The following ARL15 variants were observed in gnomAD, a reference collection of about 807,000 sequenced individuals.
The protein encoded by ARL15 is ARF like GTPase 15, also known as ADP-ribosylation factor-like protein 15.
ARL15 carries 19 observed loss-of-function variants against 25.2 expected under a neutral mutation model. The observed-to-expected ratio is 0.75, with a 90% CI of 0.53 to 1.10. ARL15 has a LOEUF of 1.10. Ranked by LOEUF, ARL15 falls within the 50% of genes least tolerant of loss-of-function variation. The pLI is 0.00. For synonymous variants in ARL15, 94 were observed against 86.8 expected (o/e 1.08, Z -0.46); for missense variants, 220 against 246.0 (o/e 0.89, Z 0.71).
intron 3 of ARL15, among the ~76,000 whole-genome samples, chr5:54,143,448 T>A (rs1753823093): frequency 1.3e-5 from 2 of 152,024 alleles, no homozygotes; most frequent in African/African-American, 4.8e-5. Flanking sequence ...TTCCTATATA[T>A]ATTTTTACCT....
chr5:53,902,536 G>A (rs1427301652), intron 4 of ARL15, among the ~76,000 whole-genome samples: 1 of 152,176 alleles, frequency 6.6e-6, no homozygotes, highest in African/African-American at 2.4e-5. Flanking sequence ...AACAACAGCA[G>A]TAGTAACAAA....
chr5:54,279,767 G>C (rs548956256), intron 1 of ARL15, among the ~76,000 whole-genome samples: 27 of 152,212 alleles, frequency 1.8e-4, no homozygotes, highest in African/African-American at 6.5e-4. Flanking sequence ...CTCAGTGCTA[G>C]GTATTCAAAG....
At chr5:54,082,164 T>C (rs1345026303) in intron 4 of ARL15, among the ~76,000 whole-genome samples, 2 of 151,806 alleles carry the variant, frequency 1.3e-5, no homozygotes, top group Non-Finnish European at 2.9e-5. Context: ...CTGGGGCTTC[T>C]CATGATGAGA....
intron 3 of ARL15, among the ~76,000 whole-genome samples, chr5:54,147,541 A>G (rs912442521): frequency 6.6e-6 from 1 of 152,172 alleles, no homozygotes; most frequent in Middle Eastern, 3.2e-3. Flanking sequence ...TAAATACAGA[A>G]TATGTACATT....
intron 4 of ARL15, among the ~76,000 whole-genome samples, chr5:54,100,981 A>T (rs1320804989): frequency 6.6e-6 from 1 of 152,038 alleles, no homozygotes; most frequent in African/African-American, 2.4e-5. Context: ...GAAGATTTAA[A>T]AATTATGTAA....
At chr5:54,068,057 T>G (rs2112057433) in intron 4 of ARL15, among the ~76,000 whole-genome samples, 1 of 152,324 alleles carries the variant, frequency 6.6e-6, no homozygotes, top group East Asian at 1.9e-4. Context: ...TCTGATTTAA[T>G]CTTCAATAAA....
intron 4 of ARL15, among the ~76,000 whole-genome samples, chr5:54,055,945 A>G (rs1424851879): frequency 2.0e-5 from 3 of 152,152 alleles, no homozygotes; most frequent in Non-Finnish European, 2.9e-5. Context: ...CTTTGGGTTC[A>G]TGGCAGTTAC....
intron 4 of ARL15, among the ~76,000 whole-genome samples, chr5:54,082,889 G>A (rs1402835834): frequency 1.3e-5 from 2 of 152,150 alleles, no homozygotes; most frequent in African/African-American, 4.8e-5. Flanking sequence ...ATTGGGCATA[G>A]TAAAAGACCT....
intron 4 of ARL15, among the ~76,000 whole-genome samples, chr5:53,976,737 T>C (rs1747938800): frequency 6.6e-6 from 1 of 152,158 alleles, no homozygotes; most frequent in Non-Finnish European, 1.5e-5. Flanking sequence ...GGTTCAGAAA[T>C]GTCCGTTTCT....
At chr5:54,126,097 C>G (rs557145202) in intron 3 of ARL15, among the ~76,000 whole-genome samples, 1 of 152,178 alleles carries the variant, frequency 6.6e-6, no homozygotes, top group South Asian at 2.1e-4. Context: ...TTAAGAATTA[C>G]CTCTGCTGAT....
At chr5:54,000,011 A>C (rs2111715194) in intron 4 of ARL15, among the ~76,000 whole-genome samples, 1 of 152,338 alleles carries the variant, frequency 6.6e-6, no homozygotes, top group Non-Finnish European at 1.5e-5. Flanking sequence ...CAGCTAGTTA[A>C]TAAAAGGCTT....
chr5:54,008,649 C>G (rs1749127870), intron 4 of ARL15, among the ~76,000 whole-genome samples: 1 of 152,174 alleles, frequency 6.6e-6, no homozygotes, highest in South Asian at 2.1e-4. Flanking sequence ...ACAGATGCGA[C>G]AAATCACAGG....
chr5:54,133,379 T>C (rs969170592), intron 3 of ARL15, among the ~76,000 whole-genome samples: 1 of 152,052 alleles, frequency 6.6e-6, no homozygotes, highest in African/African-American at 2.4e-5. Flanking sequence ...TAAAAATGAG[T>C]TGATAAGGAG....
At chr5:54,205,372 T>C (rs1357882146) in intron 1 of ARL15, among the ~76,000 whole-genome samples, 1 of 152,096 alleles carries the variant, frequency 6.6e-6, no homozygotes, top group African/African-American at 2.4e-5. Flanking sequence ...CAAAACAATA[T>C]AAACCACTGC....
intron 2 of ARL15, among the ~76,000 whole-genome samples, chr5:54,164,694 T>G (rs917308385): frequency 1.2e-4 from 19 of 152,036 alleles, no homozygotes; most frequent in African/African-American, 4.6e-4. Context: ...TTTTGACTAG[T>G]GTTAGCATGA....
intron 1 of ARL15, among the ~76,000 whole-genome samples, chr5:54,298,333 C>G (rs1561300012): frequency 6.6e-6 from 1 of 152,124 alleles, no homozygotes; most frequent in Admixed American, 6.5e-5. Context: ...AAATGTGTGC[C>G]AAGACGGTCT....
intron 4 of ARL15, among the ~76,000 whole-genome samples, chr5:54,057,278 T>C (rs1332651424): frequency 6.6e-6 from 1 of 152,220 alleles, no homozygotes; most frequent in African/African-American, 2.4e-5. Context: ...ATTTTCTGTC[T>C]GATATTCCTG....
intron 4 of ARL15, among the ~76,000 whole-genome samples, chr5:54,049,898 T>C (rs1750653383): frequency 6.6e-6 from 1 of 152,154 alleles, no homozygotes; most frequent in African/African-American, 2.4e-5. Flanking sequence ...ATCTTCAGCT[T>C]GCATTTTGTT....
At chr5:54,003,816 G>A (rs1425829469) in intron 4 of ARL15, among the ~76,000 whole-genome samples, 2 of 151,944 alleles carry the variant, frequency 1.3e-5, no homozygotes, top group Admixed American at 1.3e-4. Flanking sequence ...TACAGCTAAT[G>A]GGCATATTTC....
Sources: gnomAD v4.1 joint callset for allele counts (sites outside exome capture counted in the v4.1 genomes callset) on GRCh38, gnomAD v4.1.1 for gene constraint, MANE v1.5 for transcripts, NCBI Gene and HGNC (gene_info 2026-07-23, HGNC 2026-07-21) for gene names.